Variants in PHLDB2 observed in about 807,000 individuals in gnomAD.
PHLDB2 encodes the protein pleckstrin homology-like domain family B member 2.
PHLDB2 carries 71 observed loss-of-function variants against 123.6 expected under a neutral mutation model. The observed-to-expected ratio is 0.57, with a 90% confidence interval of 0.47 to 0.70. PHLDB2 has a LOEUF of 0.70. PHLDB2 is among the 30% of genes least tolerant of loss of function. The pLI is 0.00. For synonymous variants in PHLDB2, 547 were observed against 541.6 expected (o/e 1.01, Z -0.14); for missense variants, 1,446 against 1,519.5 (o/e 0.95, Z 0.80).
At chr3:111,798,712 T>TAAA (rs60755857) in intron 1 of PHLDB2, among the ~76,000 whole-genome samples, 1 of 151,532 alleles carries the variant, frequency 6.6e-6, no homozygotes, top group Non-Finnish European at 1.5e-5. Context: ...TAAAATAAAA[T>TAAA]GTTATTTTAT....
chr3:111,781,155 G>A (rs28675079), intron 1 of PHLDB2, among the ~76,000 whole-genome samples: 40,639 of 151,834 alleles, frequency 0.27, 6,884 homozygotes, highest in African/African-American at 0.48. Flanking sequence ...ATGGAGTGAT[G>A]TCATAATCAA....
intron 5 of PHLDB2, among the ~76,000 whole-genome samples, chr3:111,923,281 G>A (rs2068626657): frequency 6.6e-6 from 1 of 152,180 alleles, no homozygotes; most frequent in South Asian, 2.1e-4. Flanking sequence ...AGACTCCCGA[G>A]CAGCATTCAG....
chr3:111,838,208 C>G (rs1321051017), intron 1 of PHLDB2, among the ~76,000 whole-genome samples: 2 of 152,000 alleles, frequency 1.3e-5, no homozygotes, highest in African/African-American at 4.8e-5. Flanking sequence ...GCTATGTTGC[C>G]CAGGCTTGTC....
chr3:111,750,947 C>CAA (rs34859598), intron 1 of PHLDB2, among the ~76,000 whole-genome samples: 1 of 117,710 alleles, frequency 8.5e-6, no homozygotes, highest in Non-Finnish European at 1.9e-5. Flanking sequence ...AACTCTGTCT[C>CAA]AAAAAAAAAA....
intron 1 of PHLDB2, among the ~76,000 whole-genome samples, chr3:111,877,654 T>C (rs949439619): frequency 1.3e-5 from 2 of 152,246 alleles, no homozygotes; most frequent in Non-Finnish European, 2.9e-5. Flanking sequence ...GCCTATTTCC[T>C]GAATGGTATT....
intron 1 of PHLDB2, among the ~76,000 whole-genome samples, chr3:111,798,682 AAAAAT>A (rs11276346): frequency 1.9e-4 from 28 of 144,646 alleles, no homozygotes; most frequent in South Asian, 4.5e-4. Context: ...TGTCTCTAAT[AAAAAT>A]AAAATAAAAT....
chr3:111,891,124 T>C (rs1263779719), intron 2 of PHLDB2, among the ~76,000 whole-genome samples: 1 of 152,138 alleles, frequency 6.6e-6, no homozygotes, highest in Non-Finnish European at 1.5e-5. Context: ...GTAGAGGACA[T>C]TAATGGATAA....
In PHLDB2 at chr3:111,932,288, C is replaced by T. The variant is rs1385491491; in HGVS notation, c.2021C>T (p.Ala674Val). Residue 674 changes from alanine (A) to valine (V), a missense_variant, in exon 6 of 18, where the codon GCT (alanine) becomes GTT (valine). Physicochemically the swap from Ala to Val is moderately conservative, Grantham distance 64. Around this residue, in one of 3 missense-constraint regions of PHLDB2, gnomAD observed 832 missense variants for 831.9 expected, o/e 1.00. Transcript: ENST00000431670. ...EKTKEKVKLD[A>V]EREKLERLQE... The stretch of plus-strand genomic sequence containing the variant: ...CTTCAGGAGAAGGTAAAGCTTGATG[C>T]TGAAAGGGAAAAACTAGAGAGGCTT... The T allele has an allele frequency of 6.4e-7, 1 of 1,551,080 alleles. No individual in the cohort carries two copies. The highest frequency in any genetic ancestry group is 8.7e-7 in the Non-Finnish European group (1 of 1,146,654).
In PHLDB2 at chr3:111,913,385, T is replaced by C. The variant is rs764281152; in HGVS notation, c.1402T>C (p.Ser468Pro). The C allele has an allele frequency of 2.8e-5, 45 of 1,613,912 alleles. No individual in the cohort carries two copies. The highest frequency in any genetic ancestry group is 3.6e-5 in the Non-Finnish European group (43 of 1,179,986). The change falls in exon 3 of 18, where the codon TCT becomes CCT. Residue 468 changes from serine to proline, a missense_variant. Physicochemically the swap from Ser to Pro is moderately conservative, Grantham distance 74. This residue lies in a region of PHLDB2 where 832 missense variants were observed against 831.9 expected (regional missense o/e 1.00). Coordinates refer to ENST00000431670, the MANE Select transcript of PHLDB2 (RefSeq NM_001134438.2). ...ATACACAAAGCCTGACAGTCGCTTA[T>C]CTACTGGGACCACCGTGGAAGATGT... ...AEYTKPDSRL[S>P]TGTTVEDVQK...
At chr3:111,944,370 C>CT (rs34781537) in intron 8 of PHLDB2, among the ~76,000 whole-genome samples, 76,081 of 149,826 alleles carry the variant, frequency 0.51, 19,880 homozygotes, top group East Asian at 0.74. Context: ...ACTGAATGCA[C>CT]TTTTTTTTTT....
intron 2 of PHLDB2, among the ~76,000 whole-genome samples, chr3:111,887,953 A>G (rs10934120): frequency 0.6 from 91,051 of 151,982 alleles, 28,461 homozygotes; most frequent in East Asian, 0.83. Context: ...ACAAGCTCAC[A>G]GAGAAAGTAG....
chr3:111,847,996 G>A (rs190053201), intron 2 of PHLDB2, among the ~76,000 whole-genome samples: 139 of 152,168 alleles, frequency 9.1e-4, no homozygotes, highest in Non-Finnish European at 1.4e-3. Flanking sequence ...AGGGGTGCAC[G>A]TGAGGGAAGG....
chr3:111,836,930 C>T (rs1176875680), intron 1 of PHLDB2, among the ~76,000 whole-genome samples: 1 of 152,124 alleles, frequency 6.6e-6, no homozygotes, highest in East Asian at 1.9e-4. Flanking sequence ...AGAGCCAAAC[C>T]ATATCAAATC....
intron 1 of PHLDB2, among the ~76,000 whole-genome samples, chr3:111,733,348 A>G (rs1941567491): frequency 1.3e-5 from 2 of 152,208 alleles, no homozygotes; most frequent in Non-Finnish European, 2.9e-5. Context: ...GAGGACCACC[A>G]AAGCCTTTGC....
chr3:111,801,829 G>A (rs1379147305), intron 1 of PHLDB2, among the ~76,000 whole-genome samples: 1 of 152,054 alleles, frequency 6.6e-6, no homozygotes, highest in Non-Finnish European at 1.5e-5. Flanking sequence ...TGGTTGCTGG[G>A]GACTGGGAGG....
At chr3:111,851,332 G>A (rs2064247134) in intron 2 of PHLDB2, among the ~76,000 whole-genome samples, 1 of 152,038 alleles carries the variant, frequency 6.6e-6, no homozygotes, top group Non-Finnish European at 1.5e-5. Flanking sequence ...GACACAGCCA[G>A]TTAATTGGAA....
At chr3:111,738,138 T>C (rs1559805406) in intron 1 of PHLDB2, among the ~76,000 whole-genome samples, 1 of 152,142 alleles carries the variant, frequency 6.6e-6, no homozygotes, top group Admixed American at 6.5e-5. Flanking sequence ...ATCCTAATCA[T>C]AGGAAGAGCT....
At chr3:111,965,955 C>G in intron 13 of PHLDB2, among the ~76,000 whole-genome samples, 1 of 152,268 alleles carries the variant, frequency 6.6e-6, no homozygotes, top group Non-Finnish European at 1.5e-5. Flanking sequence ...TTTTGAAGCT[C>G]TTAAATCTCT....
chr3:111,918,946 A>T, intron 3 of PHLDB2, 126 bp from the exon 4 acceptor site: 3 of 951,696 alleles, frequency 3.2e-6, no homozygotes, highest in Non-Finnish European at 3.3e-6. Flanking sequence ...AGTTGCAGGG[A>T]TGCTTTTAAA....
Sources: allele counts gnomAD v4.1 joint callset (sites outside exome capture counted in the v4.1 genomes callset), GRCh38; gene constraint gnomAD v4.1.1; regional missense constraint gnomAD v4.1.1; transcripts MANE v1.5; gene names NCBI Gene and HGNC (gene_info 2026-07-23, HGNC 2026-07-21).